Variants in CTNNA1 observed in about 807,000 individuals in gnomAD.
The protein encoded by CTNNA1 is catenin alpha 1.
Under a neutral mutation model 98.4 loss-of-function variants are expected in CTNNA1, and 37 were observed. That is an observed-to-expected ratio of 0.38 (90% CI 0.29 to 0.49). The LOEUF (loss-of-function observed/expected upper bound fraction) is 0.49. Ranked by LOEUF, CTNNA1 falls within the 20% of genes least tolerant of loss-of-function variation. The pLI is 0.95. For missense variants in CTNNA1, 761 were observed against 1,147.2 expected, an observed-to-expected ratio of 0.66 and a Z score of 4.86; for synonymous variants, 404 against 413.2, an observed-to-expected ratio of 0.98 and a Z score of 0.27.
chr5:138,762,477 A>T (rs372173079), intron 1 of CTNNA1, among the ~76,000 whole-genome samples: 2 of 97,490 alleles, frequency 2.1e-5, no homozygotes, highest in African/African-American at 6.7e-5. Flanking sequence ...AATGTTCATT[A>T]TTTTCTTTAG....
Position 138,802,830 on chromosome 5 carries a change from T to TG in CTNNA1, c.302-7207dup, listed in dbSNP as rs547289524. On this transcript the variant is annotated intron_variant, in intron 3 of 17. Transcript: ENST00000302763. The stretch of plus-strand genomic sequence containing the variant: ...ATTTTTATATTCTGAGACAGGGTCT[T>TG]GCGCTGGAGTGGTCTGGAGTGCAGT... Among the ~76,000 whole-genome samples, 72 of 152,276 alleles carry TG rather than the reference T, an allele frequency of 4.7e-4. No individual in the cohort carries two copies. In the East Asian group the frequency reaches 0.013, roughly 27 times the overall value.
chr5:138,778,968 T>A (rs914746868), intron 1 of CTNNA1, among the ~76,000 whole-genome samples: 7 of 152,040 alleles, frequency 4.6e-5, no homozygotes, highest in African/African-American at 1.7e-4. Context: ...AACCTCTGCC[T>A]CCCAGGTTCC....
chr5:138,812,241 A>G lies in CTNNA1; in HGVS notation c.527A>G (p.Gln176Arg). 1 of 1,613,896 alleles carries G rather than the reference A, an allele frequency of 6.2e-7. No individual in the cohort carries two copies. The highest frequency in any genetic ancestry group is 8.5e-7 in the Non-Finnish European group (1 of 1,179,808). ...NAGNEQDLGI[Q>R]YKALKPEVDK... ...GGCAATGAACAAGACTTAGGAATCC[A>G]GTATAAAGCCCTAAAACCTGAAGTG... Residue 176 changes from glutamine to arginine, a missense_variant, in exon 5 of 18, where the codon CAG (glutamine) becomes CGG (arginine). Gln to Arg is a conservative substitution (Grantham distance 43). Around this residue, in one of 6 missense-constraint regions of CTNNA1, gnomAD observed 328 missense variants for 354.3 expected, o/e 0.93. Transcript: ENST00000302763.
intron 3 of CTNNA1, among the ~76,000 whole-genome samples, chr5:138,804,181 A>G (rs1757854643): frequency 1.3e-5 from 2 of 152,250 alleles, no homozygotes; most frequent in African/African-American, 4.8e-5. Flanking sequence ...GAGGAAACAG[A>G]ATCATAAAGT....
Position 138,877,441 on chromosome 5 carries a change from C to CTT in CTNNA1, c.1063-8755_1063-8754dup, listed in dbSNP as rs70982737. Among the ~76,000 whole-genome samples the CTT allele has an allele frequency of 2.1e-3, 293 of 136,776 alleles. 1 individual carries two copies. Among genetic ancestry groups the CTT allele is most frequent in the East Asian group, 7.1e-3 (34 of 4,794 alleles). The allele number at this position is 136,776 out of a possible 152,430, so 89.7% of individuals were successfully genotyped here. On this transcript the variant is annotated intron_variant, in intron 7 of 17. Coordinates refer to ENST00000302763, the MANE Select transcript of CTNNA1 (RefSeq NM_001903.5). The stretch of plus-strand genomic sequence containing the variant: ...CTCATAGGAGTGGTCTCTTAAATTT[C>CTT]TTTTTTTTTTTTTTTTTGAGACGGA...
chr5:138,812,787 CT>C (rs1360625351), intron 5 of CTNNA1, among the ~76,000 whole-genome samples: 2 of 152,184 alleles, frequency 1.3e-5, no homozygotes, highest in Admixed American at 1.3e-4. Flanking sequence ...TCAGTGTTAA[CT>C]TTTCCAAGCT....
chr5:138,845,722 C>G (rs1762654417), intron 7 of CTNNA1, among the ~76,000 whole-genome samples: 1 of 152,036 alleles, frequency 6.6e-6, no homozygotes, highest in African/African-American at 2.4e-5. Context: ...GCATAAGGAG[C>G]AAATTTAGAC....
chr5:138,850,480 T>G (rs1317786511), intron 7 of CTNNA1, among the ~76,000 whole-genome samples: 1 of 152,238 alleles, frequency 6.6e-6, no homozygotes, highest in Non-Finnish European at 1.5e-5. Context: ...ATACTTCTAT[T>G]TAACAAATAA....
intron 7 of CTNNA1, among the ~76,000 whole-genome samples, chr5:138,884,969 G>C (rs1373382096): frequency 5.3e-5 from 8 of 152,114 alleles, no homozygotes; most frequent in Admixed American, 5.2e-4. Flanking sequence ...AAAGGCTTAA[G>C]GAATGAGACC....
chr5:138,823,650 ACT>A (rs891104445), intron 5 of CTNNA1, among the ~76,000 whole-genome samples: 5 of 152,084 alleles, frequency 3.3e-5, no homozygotes, highest in African/African-American at 1.2e-4. Context: ...ATTTCACAAA[ACT>A]CTTACAATAA....
chr5:138,800,952 C>T (rs1180466881), intron 3 of CTNNA1, among the ~76,000 whole-genome samples: 1 of 152,176 alleles, frequency 6.6e-6, no homozygotes, highest in African/African-American at 2.4e-5. Context: ...CTTCCAGCAT[C>T]ACTAGTGGCA....
At chr5:138,824,197 A>AAACAATGAT in intron 5 of CTNNA1, among the ~76,000 whole-genome samples, 2 of 152,242 alleles carry the variant, frequency 1.3e-5, no homozygotes, top group South Asian at 4.2e-4. Flanking sequence ...TTAATCCTCA[A>AAACAATGAT]AACAATGATA....
intron 5 of CTNNA1, among the ~76,000 whole-genome samples, chr5:138,822,753 T>G (rs1236754811): frequency 6.6e-6 from 1 of 152,238 alleles, no homozygotes; most frequent in African/African-American, 2.4e-5. Context: ...GAGCTATTAC[T>G]TGCAAATTTA....
chr5:138,768,695 C>A (rs1753207674), intron 1 of CTNNA1, among the ~76,000 whole-genome samples: 1 of 151,554 alleles, frequency 6.6e-6, no homozygotes, highest in African/African-American at 2.4e-5. Flanking sequence ...TCTGCCTGAG[C>A]CTTCCCAGTA....
intron 3 of CTNNA1, among the ~76,000 whole-genome samples, chr5:138,788,414 G>GT (rs879311480): frequency 1.1e-4 from 17 of 151,990 alleles, no homozygotes; most frequent in South Asian, 6.3e-4. Context: ...AGAATCTTAT[G>GT]TTTTTTTTAA....
intron 7 of CTNNA1, among the ~76,000 whole-genome samples, chr5:138,882,553 G>A (rs979761370): frequency 6.6e-6 from 1 of 152,182 alleles, no homozygotes; most frequent in African/African-American, 2.4e-5. Flanking sequence ...GTCAGGTTGA[G>A]TAGCTTTTTT....
chr5:138,803,240 G>T (rs975161843), intron 3 of CTNNA1, among the ~76,000 whole-genome samples: 3 of 151,586 alleles, frequency 2.0e-5, no homozygotes, highest in African/African-American at 7.3e-5. Flanking sequence ...TGCAACCTTG[G>T]CTTCCTGGGC....
At chr5:138,812,059 C>G (rs1389258919) in intron 4 of CTNNA1, 124 bp from the exon 5 acceptor site, 2 of 775,994 alleles carry the variant, frequency 2.6e-6, no homozygotes, top group Admixed American at 2.5e-5. Flanking sequence ...TGCGCAAACT[C>G]GAGAGCTAAG....
rs879520859 is a variant in CTNNA1, at chr5:138,921,917, A to AT, written c.1547-2580dup. 2.7e-3 allele frequency among the ~76,000 whole-genome samples: 395 copies of AT among 144,034 alleles called. 6 individuals are homozygous for AT. In the East Asian group the frequency reaches 0.048, roughly 18 times the overall value. The allele number at this position is 144,034 out of a possible 152,430, so 94.5% of individuals were successfully genotyped here. A position where few individuals can be genotyped will look rare whatever the true frequency, so the allele number is the denominator to read the frequency against. On this transcript the variant is annotated intron_variant, in intron 11 of 17. Coordinates refer to ENST00000302763, the MANE Select transcript of CTNNA1 (RefSeq NM_001903.5). ...GTAATCAAAAATCACCCGGCCGGTGATTTTTTTTTTTTTAAGCCTACTATA... is the reference window on the plus strand; with the variant it reads ...GTAATCAAAAATCACCCGGCCGGTGATTTTTTTTTTTTTTAAGCCTACTATA...
Sources: allele counts gnomAD v4.1 joint callset (sites outside exome capture counted in the v4.1 genomes callset), GRCh38; gene constraint gnomAD v4.1.1; regional missense constraint gnomAD v4.1.1; transcripts MANE v1.5; gene names NCBI Gene and HGNC (gene_info 2026-07-23, HGNC 2026-07-21).